The following RAD51B variants were observed in gnomAD, a reference collection of about 807,000 sequenced individuals.
RAD51B encodes RAD51 paralog B.
A neutral mutation model predicts 42.2 loss-of-function variants in RAD51B; 38 were observed. The observed-to-expected ratio is 0.90, with a 90% CI of 0.70 to 1.18. RAD51B has a LOEUF of 1.18. Ranked by LOEUF, RAD51B falls within the 50% of genes most tolerant of loss-of-function variation. RAD51B has a pLI of 0.00. For missense variants in RAD51B, 373 were observed against 400.7 expected, an observed-to-expected ratio of 0.93 and a Z score of 0.59; for synonymous variants, 154 against 145.2, an observed-to-expected ratio of 1.06 and a Z score of -0.43.
chr14:68,078,703 C>A (rs906383184), intron 7 of RAD51B, among the ~76,000 whole-genome samples: 1 of 152,126 alleles, frequency 6.6e-6, no homozygotes, highest in African/African-American at 2.4e-5. Flanking sequence ...TTAATTATAA[C>A]TTGGGGCTGG....
intron 7 of RAD51B, among the ~76,000 whole-genome samples, chr14:68,086,726 G>C (rs1671945086): frequency 6.6e-6 from 1 of 152,164 alleles, no homozygotes. Flanking sequence ...CAAAGTCAAG[G>C]GATGTTATTG....
At chr14:68,214,147 GAGA>G (rs2079767136) in intron 7 of RAD51B, among the ~76,000 whole-genome samples, 3 of 152,228 alleles carry the variant, frequency 2.0e-5, no homozygotes, top group Admixed American at 6.5e-5. Context: ...CTGTGTGAAG[GAGA>G]AGGAGAAAGT....
chr14:68,551,789 C>T (rs1477954826), intron 10 of RAD51B, among the ~76,000 whole-genome samples: 1 of 152,210 alleles, frequency 6.6e-6, no homozygotes, highest in Admixed American at 6.5e-5. Flanking sequence ...GGTCTCTCCC[C>T]AGATGCATCT....
intron 11 of RAD51B, among the ~76,000 whole-genome samples, chr14:68,660,864 T>C (rs1892918679): frequency 6.6e-6 from 1 of 152,130 alleles, no homozygotes; most frequent in Non-Finnish European, 1.5e-5. Flanking sequence ...AGCCAAAACA[T>C]TGAGAACTCT....
At chr14:68,592,579 G>A (rs1341506739) in intron 10 of RAD51B, among the ~76,000 whole-genome samples, 1 of 152,208 alleles carries the variant, frequency 6.6e-6, no homozygotes. Context: ...AGAAGTGGCA[G>A]GGCCAGGATT....
At chr14:68,221,681 T>C (rs2079929870) in intron 7 of RAD51B, among the ~76,000 whole-genome samples, 1 of 151,996 alleles carries the variant, frequency 6.6e-6, no homozygotes, top group African/African-American at 2.4e-5. Flanking sequence ...CAAAGACAAA[T>C]AGATGGGACT....
rs1204817902 is a variant in RAD51B at position 68,136,575 on chromosome 14, C to CAAAAAAAAAAAAAAAAA, written c.757-155299_757-155283dup. On this transcript the variant is annotated intron_variant, in intron 7 of 10. Coordinates refer to ENST00000471583, the MANE Select transcript of RAD51B (RefSeq NM_133510.4). ...TGTGGTGACAAATGAGACTCCATCTCAAAAAAAAAAAAAAAAAAAAAAAAA... is the reference window on the plus strand; with the variant it reads ...TGTGGTGACAAATGAGACTCCATCTCAAAAAAAAAAAAAAAAAAAAAAAAAAAAAAAAAAAAAAAAAA... Among the ~76,000 whole-genome samples the CAAAAAAAAAAAAAAAAA allele has an allele frequency of 7.2e-3, 32 of 4,454 alleles. 4 individuals are homozygous for CAAAAAAAAAAAAAAAAA. The highest frequency in any genetic ancestry group is 0.011 in the African/African-American group (32 of 2,836). The allele number at this position is 4,454 out of a possible 152,430, so 2.9% of individuals were successfully genotyped here.
At chr14:67,872,526 C>T (rs1242180197) in intron 5 of RAD51B, among the ~76,000 whole-genome samples, 5 of 145,116 alleles carry the variant, frequency 3.4e-5, no homozygotes, top group African/African-American at 5.1e-5. Flanking sequence ...AGGTAATTTA[C>T]AGATTCAATG....
At chr14:68,028,059 G>A (rs1438242425) in intron 7 of RAD51B, among the ~76,000 whole-genome samples, 1 of 152,128 alleles carries the variant, frequency 6.6e-6, no homozygotes. Context: ...CTGAATTCTT[G>A]CCCCTGGTTT....
At chr14:68,271,690 G>C (rs988354086) in intron 7 of RAD51B, among the ~76,000 whole-genome samples, 9 of 152,140 alleles carry the variant, frequency 5.9e-5, no homozygotes, top group Non-Finnish European at 8.8e-5. Flanking sequence ...ACTATGGCCT[G>C]CCTCACAGGA....
intron 7 of RAD51B, among the ~76,000 whole-genome samples, chr14:68,139,770 T>C (rs540375339): frequency 2.0e-5 from 3 of 152,326 alleles, no homozygotes; most frequent in African/African-American, 7.2e-5. Context: ...CATAAAAGTG[T>C]ACAATTGGCA....
At chr14:68,671,572 C>A (rs572595828) in intron 11 of RAD51B, among the ~76,000 whole-genome samples, 8 of 152,092 alleles carry the variant, frequency 5.3e-5, no homozygotes, top group African/African-American at 1.2e-4. Flanking sequence ...CAACACCCCG[C>A]CTCCGACAAC....
intron 7 of RAD51B, among the ~76,000 whole-genome samples, chr14:67,915,344 TG>T (rs2044116570): frequency 6.6e-6 from 1 of 152,332 alleles, no homozygotes; most frequent in Non-Finnish European, 1.5e-5. Flanking sequence ...AAGCTTTTAT[TG>T]GATAGATTTG....
intron 10 of RAD51B, chr14:68,497,911 G>A (rs57150848): frequency 1.4e-3 from 264 of 192,066 alleles, no homozygotes; most frequent in African/African-American, 5.5e-3. Context: ...TCATTCATCC[G>A]TCAGTGGTCA....
At chr14:68,523,762 G>A (rs1208915383) in intron 10 of RAD51B, among the ~76,000 whole-genome samples, 1 of 152,154 alleles carries the variant, frequency 6.6e-6, no homozygotes, top group Non-Finnish European at 1.5e-5. Flanking sequence ...CAAAGGTTTT[G>A]TATCCTGCAA....
At chr14:68,393,999 G>T (rs1340830370) in intron 8 of RAD51B, among the ~76,000 whole-genome samples, 1 of 152,186 alleles carries the variant, frequency 6.6e-6, no homozygotes, top group African/African-American at 2.4e-5. Context: ...TTTTGAACTT[G>T]TGCAGTCTCT....
At chr14:68,152,446 C>T (rs1476471247) in intron 7 of RAD51B, among the ~76,000 whole-genome samples, 1 of 152,190 alleles carries the variant, frequency 6.6e-6, no homozygotes, top group Admixed American at 6.5e-5. Flanking sequence ...CAGCCAACAT[C>T]AGCACCACTT....
intron 10 of RAD51B, among the ~76,000 whole-genome samples, chr14:68,505,426 T>C (rs1885239786): frequency 6.6e-6 from 1 of 152,174 alleles, no homozygotes; most frequent in African/African-American, 2.4e-5. Context: ...GTGAGAAATC[T>C]GTCAGCTGCC....
chr14:68,522,694 TAGAAG>T (rs1163818744), intron 10 of RAD51B, among the ~76,000 whole-genome samples: 1 of 152,164 alleles, frequency 6.6e-6, no homozygotes, highest in African/African-American at 2.4e-5. Flanking sequence ...AAGCTCTGGA[TAGAAG>T]AGAAAAGCAA....
Sources: allele counts gnomAD v4.1 joint callset (sites outside exome capture counted in the v4.1 genomes callset), GRCh38; gene constraint gnomAD v4.1.1; transcripts MANE v1.5; gene names NCBI Gene and HGNC (gene_info 2026-07-23, HGNC 2026-07-21).